The following MCPH1 variants were observed in gnomAD, a reference collection of about 807,000 sequenced individuals.
MCPH1 encodes the protein microcephalin.
MCPH1 carries 104 observed loss-of-function variants against 84.5 expected under a neutral mutation model. The observed-to-expected ratio is 1.23, with a 90% CI of 1.05 to 1.45. MCPH1 has a LOEUF of 1.45. Ranked by LOEUF, MCPH1 falls within the 40% of genes most tolerant of loss-of-function variation. The probability of loss-of-function intolerance (pLI) is 0.00; values close to 1 mark genes in which losing one functional copy is unlikely to be tolerated. For missense variants in MCPH1, 1,498 were observed against 1,005.7 expected (o/e 1.49, Z -6.62); for synonymous variants, 514 against 366.8 (o/e 1.40, Z -4.58).
intron 12 of MCPH1, among the ~76,000 whole-genome samples, chr8:6,514,975 A>G (rs1815967241): frequency 1.3e-5 from 2 of 152,222 alleles, no homozygotes; most frequent in Non-Finnish European, 2.9e-5. Context: ...GATTAAAATG[A>G]TGGTGAAACA....
intron 8 of MCPH1, chr8:6,446,275 A>G: frequency 1.0e-6 from 1 of 985,078 alleles, no homozygotes; most frequent in Non-Finnish European, 1.2e-6. Context: ...AGCAACCAAA[A>G]TTGAAGAAAT....
intron 9 of MCPH1, among the ~76,000 whole-genome samples, chr8:6,476,478 T>A (rs1287396952): frequency 6.7e-6 from 1 of 150,278 alleles, no homozygotes; most frequent in African/African-American, 2.4e-5. Context: ...TAGACCAAAC[T>A]TAAAAGCAGA....
chr8:6,515,238 G>A (rs1181551298), intron 12 of MCPH1, among the ~76,000 whole-genome samples: 2 of 152,088 alleles, frequency 1.3e-5, no homozygotes, highest in African/African-American at 4.8e-5. Flanking sequence ...AGAGCTATGT[G>A]AAGGGGATAC....
intron 12 of MCPH1, among the ~76,000 whole-genome samples, chr8:6,534,411 G>A (rs1375412823): frequency 3.3e-5 from 5 of 152,014 alleles, no homozygotes; most frequent in East Asian, 3.9e-4. Context: ...TGGTATTCTC[G>A]GGAATCTTGG....
chr8:6,431,059 A>G (rs1031245467), intron 3 of MCPH1, among the ~76,000 whole-genome samples: 4 of 152,196 alleles, frequency 2.6e-5, no homozygotes, highest in Admixed American at 1.3e-4. Context: ...CTGGACAGAA[A>G]CACAAAAAGG....
At chr8:6,497,363 C>A (rs928534215) in intron 11 of MCPH1, among the ~76,000 whole-genome samples, 1 of 151,974 alleles carries the variant, frequency 6.6e-6, no homozygotes, top group Non-Finnish European at 1.5e-5. Context: ...ATTAACCAGG[C>A]ATTGTGATGT....
intron 12 of MCPH1, among the ~76,000 whole-genome samples, chr8:6,573,201 G>T (rs932722945): frequency 8.5e-5 from 13 of 152,160 alleles, no homozygotes; most frequent in Non-Finnish European, 1.6e-4. Flanking sequence ...TTGGGGCGGG[G>T]GAGTGTCCTG....
chr8:6,429,720 T>C (rs6559161), intron 3 of MCPH1, among the ~76,000 whole-genome samples: 30,255 of 151,944 alleles, frequency 0.2, 3,330 homozygotes, highest in Middle Eastern at 0.31. Flanking sequence ...TGTCTAAATA[T>C]TATTCAGTTA....
At chr8:6,515,491 T>C (rs1816079768) in intron 12 of MCPH1, among the ~76,000 whole-genome samples, 1 of 152,350 alleles carries the variant, frequency 6.6e-6, no homozygotes, top group South Asian at 2.1e-4. Flanking sequence ...TAAGCAACTC[T>C]TTTTATTTCT....
intron 6 of MCPH1, among the ~76,000 whole-genome samples, chr8:6,439,368 T>C (rs1803154444): frequency 1.3e-5 from 1 of 75,320 alleles, no homozygotes; most frequent in Non-Finnish European, 4.2e-5. Flanking sequence ...TCTTTCTTTT[T>C]TTTTAAAAAA....
At chr8:6,483,659 A>C (rs188856212) in intron 11 of MCPH1, among the ~76,000 whole-genome samples, 2 of 152,322 alleles carry the variant, frequency 1.3e-5, no homozygotes, top group East Asian at 3.9e-4. Context: ...CAGGAATTGG[A>C]GATCAGCCTG....
chr8:6,591,240 C>T (rs965183538), intron 12 of MCPH1, among the ~76,000 whole-genome samples: 5 of 152,224 alleles, frequency 3.3e-5, no homozygotes, highest in African/African-American at 9.6e-5. Context: ...TTGCTCAGTA[C>T]GATGAGTAGT....
At chr8:6,440,321 C>G (rs1304263855) in intron 6 of MCPH1, among the ~76,000 whole-genome samples, 5 of 152,030 alleles carry the variant, frequency 3.3e-5, no homozygotes, top group Non-Finnish European at 1.5e-5. Context: ...TGTTATAACC[C>G]CTGCATGTGC....
intron 13 of MCPH1, chr8:6,627,225 TG>T: frequency 2.0e-6 from 2 of 985,368 alleles, no homozygotes; most frequent in Non-Finnish European, 2.4e-6. Context: ...TCAGTAGATA[TG>T]TGAGGCTTGA....
chr8:6,576,682 ATTTTTTTTTTTTTTTTTTTTTTTTTT>A lies in MCPH1; in HGVS notation c.2215-44752_2215-44727del, dbSNP rs58486084. On this transcript the variant is annotated intron_variant, in intron 12 of 13. Coordinates refer to ENST00000344683, the MANE Select transcript of MCPH1 (RefSeq NM_024596.5). ...GCCACCACGCTCTGCTAATTTTTGT[ATTTTTTTTTTTTTTTTTTTTTTTTTT>A]TTTTTTTTTTTTTTTTTTTAGTAGA... Among the ~76,000 whole-genome samples the A allele has an allele frequency of 1.5e-3, 62 of 42,358 alleles. 2 individuals are homozygous for A. The South Asian group carries it at 0.017, about 11-fold the overall frequency. 27.8% of individuals were successfully genotyped at this position (42,358 alleles called of 152,430 possible).
chr8:6,456,142 T>G (rs1206773508), intron 9 of MCPH1, among the ~76,000 whole-genome samples: 1 of 152,192 alleles, frequency 6.6e-6, no homozygotes, highest in Non-Finnish European at 1.5e-5. Flanking sequence ...TTACTGATGC[T>G]TTCTGGTTTG....
At chr8:6,622,080 G>A (rs753872288) in intron 13 of MCPH1, 2 of 352,164 alleles carry the variant, frequency 5.7e-6, no homozygotes, top group Admixed American at 7.0e-5. Context: ...CCCGGCACTG[G>A]GGCCCAAGCC....
chr8:6,609,821 C>CCT (rs1554476395), intron 12 of MCPH1, among the ~76,000 whole-genome samples: 3 of 61,480 alleles, frequency 4.9e-5, no homozygotes, highest in African/African-American at 1.4e-4. Flanking sequence ...TGCCCCCCGC[C>CCT]CCCCCCCCAC....
chr8:6,512,691 G>C lies in MCPH1; in HGVS notation c.2214+12762G>C, dbSNP rs980619361. On this transcript the variant is annotated intron_variant, in intron 12 of 13. Transcript: ENST00000344683. ...TTCACCGTACTTATCTTGCACACTA[G>C]GTTGTCAAGTCCCATTGCTGTTCTC... Among the ~76,000 whole-genome samples the C allele has an allele frequency of 5.9e-5, 9 of 152,164 alleles. 1 individual carries two copies. The highest frequency in any genetic ancestry group is 5.9e-4 in the Admixed American group (9 of 15,284).
Sources: gnomAD v4.1 joint callset for allele counts (sites outside exome capture counted in the v4.1 genomes callset) on GRCh38, gnomAD v4.1.1 for gene constraint, MANE v1.5 for transcripts, NCBI Gene and HGNC (gene_info 2026-07-23, HGNC 2026-07-21) for gene names.